The following PHF8 variants were observed in gnomAD, a reference collection of about 807,000 sequenced individuals.
PHF8 encodes the protein PHD finger protein 8.
PHF8 carries 9 observed loss-of-function variants against 74.4 expected under a neutral mutation model. The ratio of observed to expected loss-of-function variants is 0.12; its 90% CI spans 0.07 to 0.21. The LOEUF is 0.21. Among genes scored for constraint, PHF8 ranks in the 10% least tolerant of loss-of-function variants. The probability of loss-of-function intolerance (pLI) is 1.00; values close to 1 mark genes in which losing one functional copy is unlikely to be tolerated. For synonymous variants in PHF8, 311 were observed against 316.6 expected (o/e 0.98, Z 0.19); for missense variants, 478 against 816.6 (o/e 0.59, Z 5.05).
intron 19 of PHF8, among the ~76,000 whole-genome samples, chrX:53,957,173 C>T (rs1296795328): frequency 3.0e-5 from 3 of 101,566 alleles, no homozygotes; most frequent in African/African-American, 1.2e-4. Flanking sequence ...GGTGAAATGC[C>T]GTCTCTACTA....
intron 5 of PHF8, among the ~76,000 whole-genome samples, chrX:54,017,069 C>G (rs1603337997): frequency 1.8e-5 from 2 of 112,490 alleles, no homozygotes; most frequent in Non-Finnish European, 3.7e-5. Flanking sequence ...CAGTCAAAAG[C>G]TTTCTCATTT....
intron 7 of PHF8, among the ~76,000 whole-genome samples, chrX:54,011,862 C>CAAAAAAAAAAAAAAAAAAAGAAA (rs2065987767): frequency 2.5e-5 from 1 of 40,066 alleles, no homozygotes; most frequent in Non-Finnish European, 5.4e-5. Flanking sequence ...GATAATTTGG[C>CAAAAAAAAAAAAAAAAAAAGAAA]AAAAAAAAAA....
chrX:53,985,889 T>C lies in PHF8; in HGVS notation c.2056A>G (p.Ser686Gly). ...AGATCAAGAATGCCACCAGCGCCAC[T>C]ACCATTCCCAAGCTTGCCTTCAACC... ...EGVEGKLGNGSGAGGILDLLK... is the reference protein window; with the variant it reads ...EGVEGKLGNGGGAGGILDLLK... The change falls in exon 17 of 22, where the codon AGT becomes GGT. Residue 686 changes from serine (S) to glycine (G), a missense_variant. Physicochemically the swap from Ser to Gly is moderately conservative, Grantham distance 56 (BLOSUM62 0). Around this residue, in one of 9 missense-constraint regions of PHF8, gnomAD observed 45 missense variants for 94.4 expected, o/e 0.48. Coordinates refer to ENST00000338154, the MANE Select transcript of PHF8 (RefSeq NM_015107.3). 1 of 1,208,831 alleles carries C rather than the reference T, an allele frequency of 8.3e-7. No individual in the cohort carries two copies. The highest frequency in any genetic ancestry group is 1.1e-6 in the Non-Finnish European group (1 of 893,048).
At chrX:54,007,441 A>G (rs1557105622) in intron 8 of PHF8, among the ~76,000 whole-genome samples, 1 of 112,299 alleles carries the variant, frequency 8.9e-6, no homozygotes, top group Non-Finnish European at 1.9e-5. Context: ...TGTCCTTCAT[A>G]GGACACTATC....
At chrX:53,963,079 T>G (rs1302981603) in intron 18 of PHF8, 140 bp from the exon 19 acceptor site, 3 of 501,768 alleles carry the variant, frequency 6.0e-6, no homozygotes, top group Non-Finnish European at 1.1e-5. Context: ...AGTCTCTGAA[T>G]GTACCACATA....
At chrX:54,043,070 C>A (rs1480564179) in intron 1 of PHF8, 9 of 620,327 alleles carry the variant, frequency 1.5e-5, no homozygotes, top group Non-Finnish European at 1.9e-5. Flanking sequence ...TCTTCGGCCC[C>A]GTTGTCAGTG....
At chrX:54,031,464 C>T (rs939028597) in intron 2 of PHF8, among the ~76,000 whole-genome samples, 3 of 108,770 alleles carry the variant, frequency 2.8e-5, no homozygotes, top group Admixed American at 1.0e-4. Context: ...CAAGTTCCAG[C>T]GTACCTAGGA....
At chrX:53,953,893 G>A (rs1268329431) in intron 19 of PHF8, among the ~76,000 whole-genome samples, 2 of 111,019 alleles carry the variant, frequency 1.8e-5, no homozygotes, top group East Asian at 5.6e-4. Context: ...GAAGACACAG[G>A]TCGAAAATAA....
rs782620271 is a variant in PHF8 at position 53,987,774 on chromosome X, A to C, written c.1901T>G (p.Ile634Arg). Residue 634 changes from isoleucine (I) to arginine (R), a missense_variant, in exon 15 of 22, where the codon ATA becomes AGA. Physicochemically the swap from Ile to Arg is moderately conservative, Grantham distance 97 (BLOSUM62 -3). Transcript: ENST00000338154. The part of the protein sequence containing the change: ...RLGKEKATLI[I>R]RPKFPRKLPR... ...AAAGAACAGACACACACTTGGTCTT[A>C]TTATCAGGGTCGCCTTCTCCTTTCC... 2 of 1,194,197 alleles carry C rather than the reference A, an allele frequency of 1.7e-6. No homozygotes were observed. Among genetic ancestry groups the C allele is most frequent in the Non-Finnish European group, 2.3e-6 (2 of 883,944 alleles).
At chrX:54,025,223 G>A (rs1371416566) in intron 2 of PHF8, among the ~76,000 whole-genome samples, 1 of 111,394 alleles carries the variant, frequency 9.0e-6, no homozygotes, top group Non-Finnish European at 1.9e-5. Flanking sequence ...ATCATAAAAG[G>A]ATCGGCCCAT....
chrX:54,023,841 CAAAAAAAAAAAAAAA>C (rs782579990), intron 2 of PHF8, among the ~76,000 whole-genome samples: 1 of 39,189 alleles, frequency 2.6e-5, no homozygotes. Flanking sequence ...ACCCTGTCTC[CAAAAAAAAAAAAAAA>C]AAAAAAAAGA....
At chrX:53,948,133 GT>G (rs1310704834) in intron 19 of PHF8, among the ~76,000 whole-genome samples, 1 of 111,865 alleles carries the variant, frequency 8.9e-6, no homozygotes, top group South Asian at 3.7e-4. Flanking sequence ...TTAGACCTGG[GT>G]TTTGGGAGGG....
At chrX:53,980,237 C>T (rs1451192136) in intron 18 of PHF8, among the ~76,000 whole-genome samples, 1 of 111,033 alleles carries the variant, frequency 9.0e-6, no homozygotes, top group Non-Finnish European at 1.9e-5. Flanking sequence ...AAGACCTACC[C>T]CTAGTATTCA....
At chrX:54,014,252 G>A in intron 7 of PHF8, 125 bp downstream of exon 7, 3 of 568,167 alleles carry the variant, frequency 5.3e-6, no homozygotes, top group Non-Finnish European at 8.9e-6. Flanking sequence ...ACCGCGCCCG[G>A]CCAAATCAAA....
At chrX:53,995,524 C>T (rs2065732718) in intron 12 of PHF8, among the ~76,000 whole-genome samples, 169 bp downstream of exon 12, 1 of 112,040 alleles carries the variant, frequency 8.9e-6, no homozygotes, top group South Asian at 3.7e-4. Context: ...GCCCAATGTG[C>T]GGCACACTTG....
At chrX:53,944,278 G>C (rs1557084486) in intron 19 of PHF8, 35 bp from the exon 20 acceptor site, 2 of 1,024,342 alleles carry the variant, frequency 2.0e-6, no homozygotes, top group African/African-American at 3.7e-5. Context: ...GTGTCACTAA[G>C]ACATTTATCC....
chrX:53,984,810 C>T, intron 18 of PHF8, 104 bp downstream of exon 18: 1 of 663,112 alleles, frequency 1.5e-6, no homozygotes, highest in Non-Finnish European at 2.5e-6. Context: ...AGGCTTAAGA[C>T]CAGGACTTTG....
chrX:53,972,117 GATCAAGACCATC>G (rs370892084), intron 18 of PHF8, among the ~76,000 whole-genome samples: 7 of 110,062 alleles, frequency 6.4e-5, no homozygotes, highest in African/African-American at 2.0e-4. Context: ...GAGGTCAAGA[GATCAAGACCATC>G]CTGGCCAACA....
intron 19 of PHF8, among the ~76,000 whole-genome samples, chrX:53,951,695 G>A (rs971485132): frequency 7.3e-5 from 8 of 109,699 alleles, no homozygotes; most frequent in South Asian, 4.0e-4. Flanking sequence ...CTCGTGATCC[G>A]CCCGCCTCGG....
Sources: allele counts gnomAD v4.1 joint callset (sites outside exome capture counted in the v4.1 genomes callset), GRCh38; gene constraint gnomAD v4.1.1; regional missense constraint gnomAD v4.1.1; transcripts MANE v1.5; gene names NCBI Gene and HGNC (gene_info 2026-07-23, HGNC 2026-07-21).